The following PDXDC1 variants were observed in gnomAD, a reference collection of about 807,000 sequenced individuals.
PDXDC1 encodes the protein pyridoxal dependent decarboxylase domain containing 1.
Under a neutral mutation model 100.1 loss-of-function variants are expected in PDXDC1, and 42 were observed. The ratio of observed to expected loss-of-function variants is 0.42; its 90% CI spans 0.33 to 0.54. The LOEUF (loss-of-function observed/expected upper bound fraction) is 0.54, where lower values mean the gene tolerates loss of function less well. PDXDC1 is among the 20% of genes least tolerant of loss of function. PDXDC1 has a pLI of 0.10. For synonymous variants in PDXDC1, 260 were observed against 371.7 expected (o/e 0.70, Z 3.46); for missense variants, 636 against 979.2 (o/e 0.65, Z 4.68).
intron 16 of PDXDC1, among the ~76,000 whole-genome samples, chr16:15,067,945 A>C (rs1027151124): frequency 2.6e-5 from 4 of 151,802 alleles, no homozygotes; most frequent in Admixed American, 6.6e-5. Flanking sequence ...TTTTTTGTAG[A>C]GATAGGGTCT....
chr16:15,141,801 C>T (rs1336557523), downstream of PDXDC1, among the ~76,000 whole-genome samples: 1 of 152,186 alleles, frequency 6.6e-6, no homozygotes, highest in Admixed American at 6.5e-5. Flanking sequence ...AGGCCATTCA[C>T]GAGACAGGGT....
intron 16 of PDXDC1, chr16:15,131,073 C>T (rs753080458): frequency 5.0e-6 from 8 of 1,602,814 alleles, no homozygotes; most frequent in Non-Finnish European, 6.8e-6. Context: ...GTGTGCCTCA[C>T]CCGCTGCACG....
At position 15,091,441 on chromosome 16, in the gene PDXDC1, A is replaced by G; in HGVS notation, c.1400-47438A>G. ...TTTAGTATCAACAGCAAGACTTTTA[A>G]CCGTACTTTAACATCAGATGAAATT... On this transcript the variant is annotated intron_variant, in intron 16 of 16. Transcript: ENST00000535621. 1.1e-5 allele frequency: 11 copies of G among 1,012,860 alleles called. No individual in the cohort carries two copies. The South Asian group carries it at 1.2e-4, about 11-fold the overall frequency. The allele number at this position is 1,012,860 out of a possible 1,614,324, so 62.7% of individuals were successfully genotyped here.
intron 16 of PDXDC1, among the ~76,000 whole-genome samples, chr16:15,051,181 T>C (rs149173906): frequency 1.6e-4 from 25 of 152,352 alleles, no homozygotes; most frequent in East Asian, 9.6e-4. Flanking sequence ...ATGTTCACAA[T>C]TGGGTCACCA....
At chr16:15,133,354 G>A in intron 16 of PDXDC1, 3 of 1,108,408 alleles carry the variant, frequency 2.7e-6, no homozygotes, top group African/African-American at 1.5e-5. Flanking sequence ...CACTAGCGGT[G>A]AGCCCGTGCA....
At chr16:15,110,093 T>C (rs1393525083) in intron 16 of PDXDC1, among the ~76,000 whole-genome samples, 2 of 146,882 alleles carry the variant, frequency 1.4e-5, no homozygotes, top group African/African-American at 5.0e-5. Flanking sequence ...GACAGTGAGC[T>C]GAGATTGTGC....
At chr16:15,092,664 T>C (rs748184657) in intron 16 of PDXDC1, 2 of 1,169,742 alleles carry the variant, frequency 1.7e-6, no homozygotes, top group East Asian at 2.3e-5. Flanking sequence ...ATAATAAAAA[T>C]TATAATAGCC....
chr16:15,076,980 C>CTCT (rs2045484735), intron 16 of PDXDC1, among the ~76,000 whole-genome samples: 2 of 143,916 alleles, frequency 1.4e-5, no homozygotes, highest in Non-Finnish European at 3.0e-5. Flanking sequence ...ACCCAAATCA[C>CTCT]TTTTTTTTTT....
intron 16 of PDXDC1, chr16:15,074,822 G>C (rs1223947161): frequency 6.2e-7 from 1 of 1,613,698 alleles, no homozygotes; most frequent in East Asian, 2.2e-5. Context: ...AGCCGTTCAG[G>C]ACCAGCCTTT....
intron 16 of PDXDC1, among the ~76,000 whole-genome samples, chr16:15,069,243 T>C (rs1341868085): frequency 1.3e-5 from 2 of 151,988 alleles, no homozygotes; most frequent in Non-Finnish European, 2.9e-5. Flanking sequence ...GGGACTGCTG[T>C]TGGCAGCTAG....
At chr16:15,130,395 G>A (rs369321856) in intron 16 of PDXDC1, 36 of 1,576,444 alleles carry the variant, frequency 2.3e-5, no homozygotes, top group African/African-American at 1.4e-4. Flanking sequence ...CACCTCCAGC[G>A]CCGACAGGCG....
At chr16:14,976,643 C>G (rs1398883254) in intron 1 of PDXDC1, 3 of 152,426 alleles carry the variant, frequency 2.0e-5, no homozygotes, top group African/African-American at 4.8e-5. Flanking sequence ...AATTTATTTC[C>G]CCAGGAGACA....
chr16:15,048,118 A>T, intron 16 of PDXDC1: 1 of 1,502,926 alleles, frequency 6.7e-7, no homozygotes, highest in Non-Finnish European at 9.1e-7. Context: ...TTAAAAAAAA[A>T]ATAAAATAGT....
chr16:15,080,022 A>G (rs1022310477), intron 16 of PDXDC1: 1 of 1,599,020 alleles, frequency 6.3e-7, no homozygotes, highest in Non-Finnish European at 8.5e-7. Flanking sequence ...GTTTTTCAAT[A>G]ATAAGCTCCA....
At chr16:15,132,912 C>T (rs1279907723) in intron 16 of PDXDC1, 1 of 1,588,204 alleles carries the variant, frequency 6.3e-7, no homozygotes, top group South Asian at 1.1e-5. Context: ...GTCAGCAGGG[C>T]AGGAGACCGG....
chr16:15,080,021 T>A lies in PDXDC1; in HGVS notation c.1399+49965T>A, dbSNP rs1440553330. On this transcript the variant is annotated intron_variant, in intron 16 of 16. Transcript: ENST00000535621. ...ACATCCAACTTGAGTAGTTTTTCAATAATAAGCTCCAGAATTTCATGCCTC... is the reference window on the plus strand; with the variant it reads ...ACATCCAACTTGAGTAGTTTTTCAAAAATAAGCTCCAGAATTTCATGCCTC... 3 of 1,598,932 alleles carry A rather than the reference T, an allele frequency of 1.9e-6. No individual in the cohort carries two copies. In the South Asian group the frequency reaches 3.4e-5, roughly 18 times the overall value.
At chr16:15,130,203 G>A (rs1366058023) in intron 16 of PDXDC1, 2 of 1,549,904 alleles carry the variant, frequency 1.3e-6, no homozygotes, top group Admixed American at 2.0e-5. Flanking sequence ...GTCACTCACA[G>A]GAAACACAAA....
intron 16 of PDXDC1, among the ~76,000 whole-genome samples, chr16:15,062,562 G>A (rs965459043): frequency 6.6e-6 from 1 of 152,162 alleles, no homozygotes; most frequent in Non-Finnish European, 1.5e-5. Context: ...CACCTCATGT[G>A]ACCTGGAGGG....
At chr16:15,058,637 G>A (rs1372362459) in intron 16 of PDXDC1, among the ~76,000 whole-genome samples, 7 of 152,112 alleles carry the variant, frequency 4.6e-5, no homozygotes, top group Admixed American at 1.3e-4. Flanking sequence ...TGAGGTGGGC[G>A]GATCACTTGA....
Sources: allele counts gnomAD v4.1 joint callset (sites outside exome capture counted in the v4.1 genomes callset), GRCh38; gene constraint gnomAD v4.1.1; transcripts MANE v1.5; gene names NCBI Gene and HGNC (gene_info 2026-07-23, HGNC 2026-07-21).